LRP8: variants seen among roughly 807,000 people sequenced by gnomAD.
LRP8 encodes the protein LDL receptor related protein 8.
LRP8 carries 46 observed loss-of-function variants against 111.6 expected under a neutral mutation model. The observed-to-expected ratio is 0.41, with a 90% CI of 0.33 to 0.53. LRP8 has a LOEUF of 0.53. Among genes scored for constraint, LRP8 ranks in the 20% least tolerant of loss-of-function variants. LRP8 has a pLI of 0.20. For synonymous variants in LRP8, 464 were observed against 511.2 expected, an observed-to-expected ratio of 0.91 and a Z score of 1.24; for missense variants, 959 against 1,297.4, an observed-to-expected ratio of 0.74 and a Z score of 4.01.
rs1218496009 is a variant in LRP8 at position 53,275,858 on chromosome 1, A to G, written c.884-105T>C. 1.4e-6 allele frequency: 2 copies of G among 1,417,294 alleles called. No homozygotes were observed. The highest frequency in any genetic ancestry group is 5.0e-5 in the East Asian group (2 of 40,308). 87.8% of individuals were successfully genotyped at this position (1,417,294 alleles called of 1,614,324 possible). A position where few individuals can be genotyped will look rare whatever the true frequency, so the allele number is the denominator to read the frequency against. The stretch of plus-strand genomic sequence containing the variant: ...CATAGCCACCCCCAGCAAAAACAGA[A>G]CCAGTGGCTGAACTCAGGAGTCCTC... On this transcript the variant is annotated intron_variant, in intron 5 of 18. Transcript: ENST00000306052. The surrounding 1 kb of genome is among the most constrained non-coding windows in gnomAD (Gnocchi z 4.4).
chr1:53,325,416 T>C (rs1458144210), intron 2 of LRP8, among the ~76,000 whole-genome samples: 4 of 152,334 alleles, frequency 2.6e-5, no homozygotes, highest in Admixed American at 2.6e-4. Context: ...CTTGGCACAG[T>C]TAATGGTCAG....
intron 3 of LRP8, chr1:53,289,351 C>T: frequency 2.0e-6 from 1 of 510,656 alleles, no homozygotes; most frequent in East Asian, 4.0e-5. Context: ...CCTGCTGCCA[C>T]AGAAACAGGG....
At chr1:53,255,256 G>T in intron 15 of LRP8, 71 bp from the exon 16 acceptor site, 1 of 1,325,234 alleles carries the variant, frequency 7.5e-7, no homozygotes, top group Non-Finnish European at 1.1e-6. Context: ...GCCTCAAGTG[G>T]TAAGAACTAC....
chr1:53,244,799 C>A lies in LRP8; in HGVS notation c.*2219G>T, dbSNP rs924921303. 2 of 152,196 alleles carry A rather than the reference C, an allele frequency of 1.3e-5. No individual in the cohort carries two copies. The highest frequency in any genetic ancestry group is 1.3e-4 in the Admixed American group (2 of 15,278). 9.4% of individuals were successfully genotyped at this position (152,196 alleles called of 1,614,324 possible). A position where few individuals can be genotyped will look rare whatever the true frequency, so the allele number is the denominator to read the frequency against. On this transcript the variant is annotated 3_prime_UTR_variant, in exon 19 of 19. Coordinates refer to ENST00000306052, the MANE Select transcript of LRP8 (RefSeq NM_004631.5). The stretch of plus-strand genomic sequence containing the variant: ...TTCTTTGGAAGGTTACAGAAAAAGT[C>A]ACTTGTTTTGAGTACATTTCCATGT...
intron 2 of LRP8, among the ~76,000 whole-genome samples, chr1:53,295,980 G>A (rs1399210215): frequency 6.6e-6 from 1 of 152,148 alleles, no homozygotes; most frequent in African/African-American, 2.4e-5. Context: ...CTGTCTCTGG[G>A]CCAGCCCCAC....
At chr1:53,308,047 G>T (rs1025515086) in intron 2 of LRP8, among the ~76,000 whole-genome samples, 1 of 152,184 alleles carries the variant, frequency 6.6e-6, no homozygotes, top group Admixed American at 6.5e-5. Flanking sequence ...GAGTGGTCTG[G>T]CCCCAGGTGC....
chr1:53,261,372 C>G (rs958010495), intron 12 of LRP8, among the ~76,000 whole-genome samples: 3 of 152,374 alleles, frequency 2.0e-5, no homozygotes, highest in Admixed American at 2.0e-4. Flanking sequence ...GCTTTGCCCA[C>G]AACTTCAGAG....
chr1:53,321,462 C>A (rs961092479), intron 2 of LRP8, among the ~76,000 whole-genome samples: 1 of 152,194 alleles, frequency 6.6e-6, no homozygotes, highest in East Asian at 1.9e-4. Context: ...GGGAGTAGAC[C>A]ACTAACCTGG....
At position 53,276,982 on chromosome 1, in the gene LRP8, T is replaced by C; in HGVS notation, c.593A>G (p.Glu198Gly). 6.6e-7 allele frequency: 1 copy of C among 1,510,374 alleles called. No individual in the cohort carries two copies. Among genetic ancestry groups the C allele is most frequent in the African/African-American group, 1.4e-5 (1 of 70,360 alleles). 93.6% of individuals were successfully genotyped at this position (1,510,374 alleles called of 1,614,324 possible). A position where few individuals can be genotyped will look rare whatever the true frequency, so the allele number is the denominator to read the frequency against. Residue 198 changes from glutamate to glycine, a missense_variant, in exon 5 of 19, where the codon GAG becomes GGG. By Grantham distance (98) the Glu-to-Gly change is moderately conservative. Transcript: ENST00000306052. ...GDDDCGDGSD[E>G]RGCADPACGP... The stretch of plus-strand genomic sequence containing the variant: ...GCAGGCCGGGTCTGCACAGCCGCGC[T>C]CATCGCTGCCGTCACCACAGTCGTC...
Position 53,328,060 on chromosome 1 carries a change from G to A in LRP8, c.-148C>T. 3.1e-6 allele frequency: 1 copy of A among 325,944 alleles called. No individual in the cohort carries two copies. 20.2% of individuals were successfully genotyped at this position (325,944 alleles called of 1,614,324 possible). On this transcript the variant is annotated 5_prime_UTR_variant, in exon 1 of 19. Transcript: ENST00000306052. ...CCGCTGCCGCCCGCCCCGGCTCCTC[G>A]GCTGCATTTCAAGCAGGTTCGGTGA...
intron 10 of LRP8, among the ~76,000 whole-genome samples, chr1:53,263,010 TA>T (rs1323782696): frequency 1.3e-5 from 2 of 152,218 alleles, no homozygotes; most frequent in African/African-American, 4.8e-5. Context: ...TCCAAGGTAG[TA>T]AATTAGACCT....
chr1:53,319,651 T>A (rs556248542), intron 2 of LRP8, among the ~76,000 whole-genome samples: 2 of 152,178 alleles, frequency 1.3e-5, no homozygotes, highest in African/African-American at 4.8e-5. Context: ...AGGATTCCCC[T>A]GAAGGCCCTC....
rs908441084 is a variant in LRP8, at chr1:53,271,362, G to C, written c.1007-16C>G. 2.5e-6 allele frequency: 4 copies of C among 1,613,894 alleles called. No individual in the cohort carries two copies. Among genetic ancestry groups the C allele is most frequent in the Non-Finnish European group, 3.4e-6 (4 of 1,179,950 alleles). ...TCGTTCAGCCCTGGGGAGGGACATG[G>C]GCTCCTGAAGGTCCAGGAGCCCAGG... On this transcript the variant is annotated splice_polypyrimidine_tract_variant and intron_variant, in intron 6 of 18. Transcript: ENST00000306052.
chr1:53,280,500 C>G (rs1252402369), intron 4 of LRP8, 87 bp downstream of exon 4: 1 of 1,543,126 alleles, frequency 6.5e-7, no homozygotes, highest in Non-Finnish European at 8.7e-7. Context: ...CCACGGGGAA[C>G]TGGGCCCCCT....
At chr1:53,253,119 A>G (rs1249722875) in intron 16 of LRP8, among the ~76,000 whole-genome samples, 2 of 152,200 alleles carry the variant, frequency 1.3e-5, no homozygotes, top group African/African-American at 4.8e-5. Context: ...TTTAAATTCC[A>G]AATAGATTAA....
At chr1:53,296,280 T>C (rs893139213) in intron 2 of LRP8, among the ~76,000 whole-genome samples, 1 of 152,122 alleles carries the variant, frequency 6.6e-6, no homozygotes, top group African/African-American at 2.4e-5. Context: ...AGCTCAACAT[T>C]GTTGTTCAGC....
At chr1:53,313,884 T>G (rs1284159828) in intron 2 of LRP8, among the ~76,000 whole-genome samples, 1 of 152,180 alleles carries the variant, frequency 6.6e-6, no homozygotes, top group Non-Finnish European at 1.5e-5. Flanking sequence ...AGCACTCAGC[T>G]GCAGAGCGAA....
At position 53,303,641 on chromosome 1, in the gene LRP8, A is replaced by G. The variant is rs1328493154; in HGVS notation, c.245-13952T>C. 6.6e-6 allele frequency among the ~76,000 whole-genome samples: 1 copy of G among 152,260 alleles called. No homozygotes were observed. Among genetic ancestry groups the G allele is most frequent in the East Asian group, 1.9e-4 (1 of 5,206 alleles). ...TTGAACGTTAGGACCAAGGAGCCACAGAATCTTTCCAGTTTTAAATCACAA... is the reference window on the plus strand; with the variant it reads ...TTGAACGTTAGGACCAAGGAGCCACGGAATCTTTCCAGTTTTAAATCACAA... On this transcript the variant is annotated intron_variant, in intron 2 of 18. Coordinates refer to ENST00000306052, the MANE Select transcript of LRP8 (RefSeq NM_004631.5). This position sits in a 1 kb window ranked among gnomAD's most constrained non-coding sequence, Gnocchi z 4.3.
intron 8 of LRP8, 80 bp downstream of exon 8, chr1:53,270,948 C>A: frequency 6.2e-7 from 1 of 1,601,510 alleles, no homozygotes. Flanking sequence ...CACATGTACA[C>A]GCCCACTCCT....
Sources: allele counts gnomAD v4.1 joint callset (sites outside exome capture counted in the v4.1 genomes callset), GRCh38; gene constraint gnomAD v4.1.1; non-coding constraint Gnocchi (gnomAD v3.1); transcripts MANE v1.5; gene names NCBI Gene and HGNC (gene_info 2026-07-23, HGNC 2026-07-21).